EDC3: variants seen among roughly 807,000 people sequenced by gnomAD.
The protein encoded by EDC3 is enhancer of mRNA-decapping protein 3.
EDC3 carries 20 observed loss-of-function variants against 41.8 expected under a neutral mutation model. The ratio of observed to expected loss-of-function variants is 0.48; its 90% CI spans 0.34 to 0.70. The LOEUF is 0.70. Among genes scored for constraint, EDC3 ranks in the 30% least tolerant of loss-of-function variants. The probability of loss-of-function intolerance (pLI) is 0.01; values close to 1 mark genes in which losing one functional copy is unlikely to be tolerated. For synonymous variants in EDC3, 206 were observed against 243.2 expected (o/e 0.85, Z 1.42); for missense variants, 444 against 636.8 (o/e 0.70, Z 3.26).
intron 3 of EDC3, among the ~76,000 whole-genome samples, chr15:74,669,337 C>CT (rs1257037862): frequency 6.9e-5 from 9 of 129,890 alleles, no homozygotes; most frequent in Non-Finnish European, 9.4e-5. Flanking sequence ...GAGCGAAACT[C>CT]TGTCTCAAAA....
chr15:74,689,926 T>C (rs1482707336), intron 1 of EDC3, among the ~76,000 whole-genome samples: 1 of 152,228 alleles, frequency 6.6e-6, no homozygotes, highest in African/African-American at 2.4e-5. Context: ...TCTAGCTACT[T>C]TGGAATATCC....
At chr15:74,672,047 G>A (rs1400882977) in intron 2 of EDC3, among the ~76,000 whole-genome samples, 3 of 151,262 alleles carry the variant, frequency 2.0e-5, no homozygotes, top group Admixed American at 1.3e-4. Flanking sequence ...GGATCACGAG[G>A]TCAGGAGATC....
intron 4 of EDC3, chr15:74,643,432 T>C (rs2062376976): frequency 6.6e-6 from 1 of 152,184 alleles, no homozygotes; most frequent in South Asian, 2.1e-4. Context: ...TAGGATCTGA[T>C]TGACCTTAGG....
chr15:74,662,316 C>T (rs2141629475), intron 3 of EDC3, among the ~76,000 whole-genome samples: 1 of 152,064 alleles, frequency 6.6e-6, no homozygotes, highest in South Asian at 2.1e-4. Flanking sequence ...GTTTATAAGC[C>T]AACAGAGGGC....
In EDC3 at chr15:74,671,494, A is replaced by G; in HGVS notation, c.445T>C (p.Leu149=). 1 of 1,613,884 alleles carries G rather than the reference A, an allele frequency of 6.2e-7. No individual in the cohort carries two copies. Among genetic ancestry groups the G allele is most frequent in the Non-Finnish European group, 8.5e-7 (1 of 1,179,866 alleles). Residue 149 remains leucine, a synonymous_variant, in exon 3 of 7, where the codon TTG becomes CTG. Coordinates refer to ENST00000315127, the MANE Select transcript of EDC3 (RefSeq NM_025083.5). The surrounding 1 kb of genome is among the most constrained non-coding windows in gnomAD (Gnocchi z 4.6). The part of the protein sequence containing the change: ...KSYVDRHMES[L]SQSKSFRRRH... ...CGACGGAAACTTTTGGACTGACTCA[A>G]GGATTCCATGTGCCTGTCGACATAG... is the stretch of plus-strand genomic sequence containing the variant.
intron 1 of EDC3, among the ~76,000 whole-genome samples, chr15:74,689,752 C>T (rs888076680): frequency 2.0e-5 from 3 of 152,024 alleles, no homozygotes; most frequent in Non-Finnish European, 2.9e-5. Flanking sequence ...TCTCGATCTC[C>T]TGACCTCATG....
chr15:74,663,060 G>A (rs944925415), intron 3 of EDC3, among the ~76,000 whole-genome samples: 1 of 152,194 alleles, frequency 6.6e-6, no homozygotes, highest in Non-Finnish European at 1.5e-5. Flanking sequence ...GCCAAGGCGG[G>A]TGGATCACCT....
In EDC3 at chr15:74,655,976, C is replaced by G. The variant is rs768940764; in HGVS notation, c.577G>C (p.Gly193Arg). Residue 193 changes from glycine to arginine, a missense_variant, in exon 4 of 7, where the codon GGG (glycine) becomes CGG (arginine). Coordinates refer to ENST00000315127, the MANE Select transcript of EDC3 (RefSeq NM_025083.5). Reference protein sequence around the residue: ...QMKNKDDECFGDDIEEIPDTD... With the variant: ...QMKNKDDECFRDDIEEIPDTD... ...TCTGGGATCTCCTCAATATCATCCCCGAAGCACTCGTCATCTTTATTCTTC... is the reference window on the plus strand; with the variant it reads ...TCTGGGATCTCCTCAATATCATCCCGGAAGCACTCGTCATCTTTATTCTTC... The G allele has an allele frequency of 6.2e-7, 1 of 1,613,898 alleles. No individual in the cohort carries two copies. Among genetic ancestry groups the G allele is most frequent in the South Asian group, 1.1e-5 (1 of 91,058 alleles).
At chr15:74,666,383 C>A (rs1366165422) in intron 3 of EDC3, among the ~76,000 whole-genome samples, 3 of 152,058 alleles carry the variant, frequency 2.0e-5, no homozygotes, top group Non-Finnish European at 4.4e-5. Context: ...AGTTAACAAT[C>A]TAGAAAAAGG....
chr15:74,673,511 G>A (rs1263148318), intron 2 of EDC3, among the ~76,000 whole-genome samples: 1 of 151,694 alleles, frequency 6.6e-6, no homozygotes, highest in Non-Finnish European at 1.5e-5. Context: ...AGCAGACAAG[G>A]TGTCTGTCTC....
At chr15:74,667,568 C>A (rs12591325) in intron 3 of EDC3, among the ~76,000 whole-genome samples, 6 of 146,000 alleles carry the variant, frequency 4.1e-5, no homozygotes, top group African/African-American at 5.0e-5. Flanking sequence ...GAGAAAGTAC[C>A]TAAGTACTAA....
At chr15:74,695,657 C>T (rs1307618063) in intron 1 of EDC3, 1 of 152,506 alleles carries the variant, frequency 6.6e-6, no homozygotes, top group Non-Finnish European at 1.5e-5. Context: ...ACACAATCCC[C>T]ATACTATTTA....
rs567017502 is a variant in EDC3, at chr15:74,654,548, A to C, written c.820+1185T>G. Among the ~76,000 whole-genome samples, 74 of 152,354 alleles carry C rather than the reference A, an allele frequency of 4.9e-4. 1 individual carries two copies. Among genetic ancestry groups the C allele is most frequent in the African/African-American group, 1.7e-3 (70 of 41,582 alleles). On this transcript the variant is annotated intron_variant, in intron 4 of 6. Coordinates refer to ENST00000315127, the MANE Select transcript of EDC3 (RefSeq NM_025083.5). ...TGTTTGCCTTTACACAGGTGTTAAA[A>C]ATCGAAGGACTTCGGCAAGTTACAG...
At position 74,685,411 on chromosome 15, in the gene EDC3, A is replaced by G. The variant is rs141275851; in HGVS notation, c.-18-10269T>C. On this transcript the variant is annotated intron_variant, in intron 1 of 6. Coordinates refer to ENST00000315127, the MANE Select transcript of EDC3 (RefSeq NM_025083.5). ...GAGTGAGACCCTGTCTCAAAACAAAAAGTATATAGATAGATAGATAGATAG... is the reference window on the plus strand; with the variant it reads ...GAGTGAGACCCTGTCTCAAAACAAAGAGTATATAGATAGATAGATAGATAG... Among the ~76,000 whole-genome samples, 242 of 151,198 alleles carry G rather than the reference A, an allele frequency of 1.6e-3. 5 individuals carry two copies. The East Asian group carries it at 0.032, about 20-fold the overall frequency.
chr15:74,631,067 T>C lies in EDC3; in HGVS notation c.*1545A>G, dbSNP rs964790867. ...CTCAGAGAATACACAGCACAAGGGT[T>C]ACAGTCCCTGGCCTCTTCCCATCGC... On this transcript the variant is annotated 3_prime_UTR_variant, in exon 7 of 7. Transcript: ENST00000315127. The C allele has an allele frequency of 6.6e-6, 1 of 152,260 alleles. No homozygotes were observed. The highest frequency in any genetic ancestry group is 2.4e-5 in the African/African-American group (1 of 41,448). The allele number at this position is 152,260 out of a possible 1,614,324, so 9.4% of individuals were successfully genotyped here.
intron 6 of EDC3, 64 bp downstream of exon 6, chr15:74,635,345 G>T: frequency 6.6e-7 from 1 of 1,512,856 alleles, no homozygotes; most frequent in South Asian, 1.1e-5. Flanking sequence ...TGGGTGGCAT[G>T]ACGAGACCAT....
At chr15:74,646,878 G>A (rs1567159401) in intron 4 of EDC3, among the ~76,000 whole-genome samples, 2 of 152,096 alleles carry the variant, frequency 1.3e-5, no homozygotes, top group South Asian at 2.1e-4. Flanking sequence ...AAATTTTGAA[G>A]GAAGGAGAGA....
intron 4 of EDC3, among the ~76,000 whole-genome samples, chr15:74,654,648 T>C (rs1349508988): frequency 6.6e-6 from 1 of 151,830 alleles, no homozygotes; most frequent in Non-Finnish European, 1.5e-5. Flanking sequence ...AGCAAAAGAC[T>C]GACACAGTTC....
intron 3 of EDC3, among the ~76,000 whole-genome samples, chr15:74,664,141 T>C (rs1330497403): frequency 6.6e-6 from 1 of 152,230 alleles, no homozygotes; most frequent in Non-Finnish European, 1.5e-5. Flanking sequence ...CACAGGTCAG[T>C]AAGAGAAAGA....
Sources: allele counts gnomAD v4.1 joint callset (sites outside exome capture counted in the v4.1 genomes callset), GRCh38; gene constraint gnomAD v4.1.1; non-coding constraint Gnocchi (gnomAD v3.1); transcripts MANE v1.5; gene names NCBI Gene and HGNC (gene_info 2026-07-23, HGNC 2026-07-21).